MREG: variants seen among roughly 807,000 people sequenced by gnomAD.
The protein encoded by MREG is dilute suppressor protein homolog.
In MREG, 31 loss-of-function variants were observed where a neutral mutation model predicts 28.5. The ratio of observed to expected loss-of-function variants is 1.09; its 90% CI spans 0.82 to 1.47. MREG has a LOEUF of 1.47. MREG is among the 40% of genes most tolerant of loss of function. MREG has a pLI of 0.00. For synonymous variants in MREG, 106 were observed against 95.2 expected (o/e 1.11, Z -0.66); for missense variants, 256 against 257.4 (o/e 0.99, Z 0.04).
chr2:216,028,171 G>A (rs1179818746), intron 1 of MREG, among the ~76,000 whole-genome samples: 3 of 152,176 alleles, frequency 2.0e-5, no homozygotes, highest in Non-Finnish European at 4.4e-5. Flanking sequence ...CATGTATAGT[G>A]TGGTATGGTT....
chr2:215,940,260 T>C (rs1310295976), downstream of MREG, among the ~76,000 whole-genome samples: 3 of 152,184 alleles, frequency 2.0e-5, no homozygotes, highest in African/African-American at 7.2e-5. Flanking sequence ...ACATTGTAAA[T>C]AGCAAGTTCA....
downstream of MREG, among the ~76,000 whole-genome samples, chr2:215,940,710 T>C (rs1347467224): frequency 1.3e-5 from 2 of 152,154 alleles, no homozygotes; most frequent in Non-Finnish European, 2.9e-5. Flanking sequence ...AAGAAGTCTA[T>C]TAGCAAATTC....
intron 2 of MREG, among the ~76,000 whole-genome samples, chr2:215,959,368 G>A (rs1692719754): frequency 6.6e-6 from 1 of 151,874 alleles, no homozygotes; most frequent in African/African-American, 2.4e-5. Context: ...TCCACCTTAT[G>A]TTCCCAACTT....
At chr2:215,949,084 CTACTAATAATAATAA>C (rs1156736414) in intron 2 of MREG, among the ~76,000 whole-genome samples, 2 of 115,428 alleles carry the variant, frequency 1.7e-5, no homozygotes, top group African/African-American at 6.6e-5. Flanking sequence ...ACTACTACTA[CTACTAATAATAATAA>C]TAATAATACA....
intron 1 of MREG, 101 bp from the exon 2 acceptor site, chr2:215,996,566 G>A: frequency 3.9e-6 from 3 of 778,604 alleles, no homozygotes; most frequent in Non-Finnish European, 6.0e-6. Context: ...CTTATACTAT[G>A]TAATATATAA....
chr2:215,975,023 T>TATATATATATATATATATATATAC (rs1559183194), intron 2 of MREG, among the ~76,000 whole-genome samples: 1 of 145,612 alleles, frequency 6.9e-6, no homozygotes, highest in Non-Finnish European at 1.5e-5. Context: ...TATATATATA[T>TATATATATATATATATATATATAC]ATATGAAATA....
chr2:216,021,026 C>T (rs1409185274), intron 1 of MREG, among the ~76,000 whole-genome samples: 1 of 152,250 alleles, frequency 6.6e-6, no homozygotes, highest in Non-Finnish European at 1.5e-5. Flanking sequence ...TGATCCTAAA[C>T]ACCTGCACTA....
At chr2:216,011,898 C>T (rs1559198540) in intron 1 of MREG, among the ~76,000 whole-genome samples, 2 of 152,190 alleles carry the variant, frequency 1.3e-5, no homozygotes, top group African/African-American at 4.8e-5. Flanking sequence ...TTACCCACTA[C>T]CTATTAGATT....
rs868342941 is a variant in MREG, at chr2:215,998,317, A to T, written c.96-1852T>A. On this transcript the variant is annotated intron_variant, in intron 1 of 4. Coordinates refer to ENST00000263268, the MANE Select transcript of MREG (RefSeq NM_018000.3). ...CAAAACTCCATCTCACAAAAAAAAA[A>T]AAAAATAATAATAATAATAATAATA... Among the ~76,000 whole-genome samples the T allele has an allele frequency of 7.6e-3, 1,113 of 146,552 alleles. 12 individuals carry two copies. Among genetic ancestry groups the T allele is most frequent in the African/African-American group, 0.025 (958 of 38,920 alleles).
At chr2:215,967,420 T>C (rs1205247728) in intron 2 of MREG, among the ~76,000 whole-genome samples, 6 of 152,320 alleles carry the variant, frequency 3.9e-5, no homozygotes, top group Admixed American at 3.9e-4. Context: ...TCTCACATAA[T>C]AGAGCACTGT....
At chr2:215,953,927 T>C (rs954349430) in intron 2 of MREG, among the ~76,000 whole-genome samples, 2 of 152,266 alleles carry the variant, frequency 1.3e-5, no homozygotes, top group Non-Finnish European at 2.9e-5. Context: ...TGCATAGATT[T>C]ATCTAGCAGG....
intron 2 of MREG, among the ~76,000 whole-genome samples, chr2:215,964,092 T>C (rs2105982917): frequency 6.6e-6 from 1 of 152,310 alleles, no homozygotes; most frequent in African/African-American, 2.4e-5. Context: ...TAGTAAAATT[T>C]TGAAGCCTTT....
upstream of MREG, among the ~76,000 whole-genome samples, chr2:216,015,138 C>CAT (rs1553556757): frequency 0.028 from 4,128 of 148,556 alleles, 149 homozygotes; most frequent in African/African-American, 0.085. Context: ...TGCGCGCGTG[C>CAT]GTCTGTGCGT....
chr2:216,023,790 C>G (rs910497994), intron 1 of MREG, among the ~76,000 whole-genome samples: 1 of 152,176 alleles, frequency 6.6e-6, no homozygotes, highest in African/African-American at 2.4e-5. Context: ...GCCCCAGCCT[C>G]CTGAGTAGCT....
rs192148348 is a variant in MREG at position 215,987,074 on chromosome 2, G to A, written c.255+9232C>T. ...TGGTTGAATAAGTGATGGTGAATCCGTGCAAGAGAATACTAGAGAGTTCCC... is the reference window on the plus strand; with the variant it reads ...TGGTTGAATAAGTGATGGTGAATCCATGCAAGAGAATACTAGAGAGTTCCC... On this transcript the variant is annotated intron_variant, in intron 2 of 4. Coordinates refer to ENST00000263268, the MANE Select transcript of MREG (RefSeq NM_018000.3). Among the ~76,000 whole-genome samples the A allele has an allele frequency of 9.9e-5, 15 of 152,252 alleles. No individual in the cohort carries two copies. In the East Asian group the frequency reaches 2.3e-3, roughly 24 times the overall value.
chr2:215,991,292 C>G (rs766097395), intron 2 of MREG, among the ~76,000 whole-genome samples: 4 of 152,156 alleles, frequency 2.6e-5, no homozygotes, highest in Non-Finnish European at 5.9e-5. Context: ...TTAATGACTA[C>G]TGGGTAAATA....
intron 2 of MREG, among the ~76,000 whole-genome samples, chr2:215,982,926 T>C (rs1217415170): frequency 2.0e-5 from 3 of 152,196 alleles, no homozygotes; most frequent in Admixed American, 2.0e-4. Flanking sequence ...TAATATTCTA[T>C]AAATATTATT....
rs542206741 is a variant in MREG at position 216,008,178 on chromosome 2, A to G, written c.95+5055T>C. ...TAGTTTGAGTCACGCCGCTTGGGGC[A>G]GAGACTGAGTTGAAGAGGAAAGTGT... On this transcript the variant is annotated intron_variant, in intron 1 of 4. Transcript: ENST00000263268. Among the ~76,000 whole-genome samples the G allele has an allele frequency of 3.3e-3, 506 of 152,202 alleles. 3 individuals carry two copies. Among genetic ancestry groups the G allele is most frequent in the Non-Finnish European group, 4.6e-3 (314 of 67,990 alleles).
chr2:215,979,838 A>C (rs940870053), intron 2 of MREG, among the ~76,000 whole-genome samples: 1 of 151,884 alleles, frequency 6.6e-6, no homozygotes, highest in African/African-American at 2.4e-5. Flanking sequence ...TGGAGGCTTG[A>C]CTTGGTATTA....
Sources: allele counts gnomAD v4.1 joint callset (sites outside exome capture counted in the v4.1 genomes callset), GRCh38; gene constraint gnomAD v4.1.1; transcripts MANE v1.5; gene names NCBI Gene and HGNC (gene_info 2026-07-23, HGNC 2026-07-21).